Variants in ZZZ3 observed in about 807,000 individuals in gnomAD.
The protein encoded by ZZZ3 is ZZ-type zinc finger-containing protein 3.
Under a neutral mutation model 95.2 loss-of-function variants are expected in ZZZ3, and 22 were observed. The observed-to-expected ratio is 0.23, with a 90% CI of 0.17 to 0.33. ZZZ3 has a LOEUF of 0.33. Among genes scored for constraint, ZZZ3 ranks in the 10% least tolerant of loss-of-function variants. The pLI, the probability that ZZZ3 is intolerant of heterozygous loss-of-function variation, is 1.00. For missense variants in ZZZ3, 885 were observed against 1,066.5 expected, an observed-to-expected ratio of 0.83 and a Z score of 2.37; for synonymous variants, 335 against 358.9, an observed-to-expected ratio of 0.93 and a Z score of 0.75.
Position 77,599,208 on chromosome 1 carries a change from CACAAG to C in ZZZ3, c.1506-14558_1506-14554del, listed in dbSNP as rs1360099621. Among the ~76,000 whole-genome samples, 5 of 151,940 alleles carry C rather than the reference CACAAG, an allele frequency of 3.3e-5. No individual in the cohort carries two copies. The East Asian group carries it at 9.6e-4, about 29-fold the overall frequency. ...GCTCAGTTTATATAAATTTTAAAAT[CACAAG>C]ACAAAATTAAAACTTGTAAAGAAAT... On this transcript the variant is annotated intron_variant, in intron 5 of 14. Coordinates refer to ENST00000370801, the MANE Select transcript of ZZZ3 (RefSeq NM_015534.6).
At chr1:77,671,064 T>C (rs1402859625) in intron 1 of ZZZ3, among the ~76,000 whole-genome samples, 2 of 151,856 alleles carry the variant, frequency 1.3e-5, no homozygotes, top group African/African-American at 4.8e-5. Context: ...TGAGGACATC[T>C]GCCAGCAACT....
At chr1:77,601,980 G>A (rs769415443) in intron 5 of ZZZ3, among the ~76,000 whole-genome samples, 14 of 152,296 alleles carry the variant, frequency 9.2e-5, no homozygotes, top group Admixed American at 1.3e-4. Context: ...AGGAAGTTCC[G>A]CTCTGCTAAT....
chr1:77,641,775 C>T (rs1668797756), intron 1 of ZZZ3, 120 bp from the exon 2 acceptor site: 1 of 385,080 alleles, frequency 2.6e-6, no homozygotes. Flanking sequence ...CTAAACTTCA[C>T]AAGTAATTCC....
intron 1 of ZZZ3, among the ~76,000 whole-genome samples, chr1:77,659,746 CA>C (rs754494557): frequency 2.0e-3 from 275 of 134,952 alleles, no homozygotes; most frequent in Non-Finnish European, 2.1e-3. Flanking sequence ...TTTGATTACC[CA>C]AAAAAAAAAA....
At chr1:77,675,821 A>C (rs1672213861) in intron 1 of ZZZ3, among the ~76,000 whole-genome samples, 1 of 152,226 alleles carries the variant, frequency 6.6e-6, no homozygotes, top group Non-Finnish European at 1.5e-5. Flanking sequence ...ATAACAGAAA[A>C]AAAGGCATCA....
At position 77,576,133 on chromosome 1, in the gene ZZZ3, T is replaced by C. The variant is rs1292586131; in HGVS notation, c.2266A>G (p.Met756Val). The C allele has an allele frequency of 1.2e-6, 2 of 1,613,608 alleles. No homozygotes were observed. Among genetic ancestry groups the C allele is most frequent in the Admixed American group, 1.7e-5 (1 of 59,888 alleles). The change falls in exon 12 of 15, where the codon ATG becomes GTG. Residue 756 changes from methionine to valine, a missense_variant. Around this residue, in one of 5 missense-constraint regions of ZZZ3, gnomAD observed 221 missense variants for 247.8 expected, o/e 0.89. Coordinates refer to ENST00000370801, the MANE Select transcript of ZZZ3 (RefSeq NM_015534.6). ...CAAGATCGGTCATCATCTTCATCCA[T>C]ATACACTGGCGGTTCATGTGAAGTC... ...FMTSHEPPVY[M>V]DEDDDRSCFH...
At chr1:77,611,752 G>C (rs760035913) in intron 5 of ZZZ3, among the ~76,000 whole-genome samples, 1 of 152,122 alleles carries the variant, frequency 6.6e-6, no homozygotes, top group Admixed American at 6.5e-5. Context: ...TTCAATAAAC[G>C]ATGCTGGGGA....
intron 5 of ZZZ3, among the ~76,000 whole-genome samples, chr1:77,624,581 T>G (rs1302614480): frequency 6.6e-6 from 1 of 152,186 alleles, no homozygotes; most frequent in Non-Finnish European, 1.5e-5. Context: ...AAAAAGCTTC[T>G]GTGCCTGGGA....
chr1:77,618,370 G>A (rs372366447), intron 5 of ZZZ3, among the ~76,000 whole-genome samples: 1 of 150,984 alleles, frequency 6.6e-6, no homozygotes, highest in South Asian at 2.1e-4. Context: ...AGACTGTGAC[G>A]AGGCTCTGGG....
intron 5 of ZZZ3, among the ~76,000 whole-genome samples, chr1:77,591,159 T>C (rs1221723815): frequency 1.2e-5 from 1 of 83,566 alleles, no homozygotes; most frequent in African/African-American, 3.4e-5. Context: ...ACGATAAATA[T>C]ATGTTATGCA....
intron 6 of ZZZ3, among the ~76,000 whole-genome samples, chr1:77,582,881 G>A (rs921179468): frequency 6.6e-6 from 1 of 151,982 alleles, no homozygotes; most frequent in African/African-American, 2.4e-5. Flanking sequence ...CAAGGCTGGT[G>A]GATCACTTCG....
At chr1:77,610,681 T>C (rs1473495948) in intron 5 of ZZZ3, among the ~76,000 whole-genome samples, 2 of 151,790 alleles carry the variant, frequency 1.3e-5, no homozygotes, top group African/African-American at 4.8e-5. Flanking sequence ...ATGCGATACA[T>C]CATATCAACA....
rs370546033 is a variant in ZZZ3 at position 77,632,229 on chromosome 1, A to G, written c.1126T>C (p.Tyr376His). 1.7e-5 allele frequency: 27 copies of G among 1,613,946 alleles called. No homozygotes were observed. The African/African-American group carries it at 3.1e-4, about 18-fold the overall frequency. Residue 376 changes from tyrosine (Y) to histidine (H), a missense_variant, in exon 5 of 15, where the codon TAT becomes CAT. Tyr to His is a moderately conservative substitution (Grantham distance 83, BLOSUM62 2). Transcript: ENST00000370801. ...MSLSEPQEHR[Y>H]TLRTSPRRAA... ...CTTCGTGGTGAGGTTCTCAGAGTATAACGATGTTCTTGAGGTTCTGATAAA... is the reference window on the plus strand; with the variant it reads ...CTTCGTGGTGAGGTTCTCAGAGTATGACGATGTTCTTGAGGTTCTGATAAA...
intron 1 of ZZZ3, among the ~76,000 whole-genome samples, chr1:77,652,684 G>A (rs113156176): frequency 0.025 from 3,785 of 152,158 alleles, 49 homozygotes; most frequent in Middle Eastern, 0.078. Context: ...GTTATAAAGT[G>A]GAAGCAACTT....
At chr1:77,606,520 G>A (rs1265268365) in intron 5 of ZZZ3, among the ~76,000 whole-genome samples, 7 of 152,050 alleles carry the variant, frequency 4.6e-5, no homozygotes, top group South Asian at 2.1e-4. Context: ...TGGATATAGC[G>A]GGCCTTGGGT....
chr1:77,581,663 C>T (rs1447486420), intron 8 of ZZZ3, 113 bp downstream of exon 8: 1 of 808,958 alleles, frequency 1.2e-6, no homozygotes. Flanking sequence ...GTTCTTATCT[C>T]CTTTATCTTC....
At chr1:77,678,127 T>C (rs1480839807) in intron 1 of ZZZ3, among the ~76,000 whole-genome samples, 1 of 152,176 alleles carries the variant, frequency 6.6e-6, no homozygotes, top group Non-Finnish European at 1.5e-5. Flanking sequence ...ACTATACAAC[T>C]GAATCATATG....
intron 1 of ZZZ3, among the ~76,000 whole-genome samples, chr1:77,662,651 C>A (rs1367720370): frequency 6.6e-6 from 1 of 152,082 alleles, no homozygotes; most frequent in African/African-American, 2.4e-5. Flanking sequence ...CCAGGCCGGA[C>A]ATGGTGGCTC....
At chr1:77,613,551 G>C (rs1402430365) in intron 5 of ZZZ3, among the ~76,000 whole-genome samples, 2 of 151,842 alleles carry the variant, frequency 1.3e-5, no homozygotes, top group Non-Finnish European at 2.9e-5. Flanking sequence ...ATGGTAGGTA[G>C]AGACTGAGGA....
Sources: gnomAD v4.1 joint callset for allele counts (sites outside exome capture counted in the v4.1 genomes callset) on GRCh38, gnomAD v4.1.1 for gene constraint, gnomAD v4.1.1 regional missense constraint, MANE v1.5 for transcripts, NCBI Gene and HGNC (gene_info 2026-07-23, HGNC 2026-07-21) for gene names.